RIN3: variants seen among roughly 807,000 people sequenced by gnomAD.
RIN3 encodes RAB5 interacting protein 3.
RIN3 carries 54 observed loss-of-function variants against 76.3 expected under a neutral mutation model. The observed-to-expected ratio is 0.71, with a 90% CI of 0.57 to 0.89. RIN3 has a LOEUF of 0.89. RIN3 is among the 40% of genes least tolerant of loss of function. The probability of loss-of-function intolerance (pLI) is 0.00; values close to 1 mark genes in which losing one functional copy is unlikely to be tolerated. For missense variants in RIN3, 1,256 were observed against 1,322.1 expected (o/e 0.95, Z 0.78); for synonymous variants, 576 against 564.0 (o/e 1.02, Z -0.30).
chr14:92,540,787 C>A (rs552595975), intron 1 of RIN3, among the ~76,000 whole-genome samples: 2 of 152,174 alleles, frequency 1.3e-5, no homozygotes, highest in Admixed American at 6.5e-5. Context: ...GGAAGAGAAG[C>A]CTTCAGGTGG....
rs1285927163 is a variant in RIN3, at chr14:92,688,267, G to T, written c.*15G>T. On this transcript the variant is annotated 3_prime_UTR_variant, in exon 10 of 10. Transcript: ENST00000216487. ...ACTTCCTGTGAGGCCCTCCCGGGGC[G>T]CCTCCCCTCACCCCCAGGCGCACGT... 38 of 1,548,770 alleles carry T rather than the reference G, an allele frequency of 2.5e-5. 1 individual carries two copies. Among genetic ancestry groups the T allele is most frequent in the Non-Finnish European group, 6.1e-6 (7 of 1,149,750 alleles).
intron 1 of RIN3, among the ~76,000 whole-genome samples, chr14:92,521,752 A>T (rs1896602357): frequency 6.6e-6 from 1 of 152,196 alleles, no homozygotes. Flanking sequence ...GTATTCCTTT[A>T]TAGTGAGGCA....
chr14:92,667,449 G>A (rs767127337), intron 7 of RIN3, among the ~76,000 whole-genome samples: 15 of 151,946 alleles, frequency 9.9e-5, no homozygotes, highest in East Asian at 1.9e-4. Flanking sequence ...CCCAGGAGGC[G>A]GAGGTTGCAG....
chr14:92,631,725 C>A (rs11621441), intron 4 of RIN3, among the ~76,000 whole-genome samples: 1 of 151,992 alleles, frequency 6.6e-6, no homozygotes, highest in East Asian at 1.9e-4. Context: ...CTCAGCCTCC[C>A]GAGTAGCTGA....
At position 92,525,429 on chromosome 14, in the gene RIN3, G is replaced by A. The variant is rs72631619; in HGVS notation, c.44+11453G>A. ...TCCACCAAGAACACTGGTGCTGAGCGAGAGATTGAGGGGAGGGAAGGAGGA... is the reference window on the plus strand; with the variant it reads ...TCCACCAAGAACACTGGTGCTGAGCAAGAGATTGAGGGGAGGGAAGGAGGA... On this transcript the variant is annotated intron_variant, in intron 1 of 9. Coordinates refer to ENST00000216487, the MANE Select transcript of RIN3 (RefSeq NM_024832.5). Among the ~76,000 whole-genome samples, 105 of 152,306 alleles carry A rather than the reference G, an allele frequency of 6.9e-4. 1 individual carries two copies. In the East Asian group the frequency reaches 0.019, roughly 27 times the overall value.
chr14:92,619,565 G>A (rs751416398), intron 4 of RIN3, among the ~76,000 whole-genome samples: 1 of 149,698 alleles, frequency 6.7e-6, no homozygotes, highest in Non-Finnish European at 1.5e-5. Flanking sequence ...TCAGCCTCCC[G>A]AGCAGCTGGG....
At chr14:92,524,935 C>T (rs1052945790) in intron 1 of RIN3, among the ~76,000 whole-genome samples, 1 of 152,238 alleles carries the variant, frequency 6.6e-6, no homozygotes, top group Non-Finnish European at 1.5e-5. Context: ...AGGGGCTGAG[C>T]TCTTTCCTGC....
intron 1 of RIN3, among the ~76,000 whole-genome samples, chr14:92,534,017 G>A (rs1376842211): frequency 2.0e-5 from 3 of 152,100 alleles, no homozygotes; most frequent in Non-Finnish European, 4.4e-5. Flanking sequence ...TAGACCAGAA[G>A]CTAGGAAAAC....
chr14:92,561,745 C>T (rs1012235923), intron 2 of RIN3, among the ~76,000 whole-genome samples: 4 of 152,240 alleles, frequency 2.6e-5, no homozygotes, highest in Admixed American at 6.5e-5. Context: ...AGTGCAGTGG[C>T]GCGATCATGG....
intron 3 of RIN3, among the ~76,000 whole-genome samples, chr14:92,596,613 G>C (rs1345008023): frequency 6.6e-6 from 1 of 152,172 alleles, no homozygotes; most frequent in East Asian, 1.9e-4. Flanking sequence ...TATCTTATCC[G>C]TTCCTCTTTT....
At chr14:92,596,696 A>G (rs1449061017) in intron 3 of RIN3, among the ~76,000 whole-genome samples, 1 of 152,222 alleles carries the variant, frequency 6.6e-6, no homozygotes, top group Non-Finnish European at 1.5e-5. Context: ...GAGTATATTA[A>G]CGTGCTTTAT....
At chr14:92,628,993 A>G (rs1291108599) in intron 4 of RIN3, among the ~76,000 whole-genome samples, 1 of 152,152 alleles carries the variant, frequency 6.6e-6, no homozygotes, top group African/African-American at 2.4e-5. Context: ...CCTTAAGTGA[A>G]CCAGGCAGTG....
intron 1 of RIN3, among the ~76,000 whole-genome samples, chr14:92,527,238 G>A (rs759799243): frequency 6.6e-6 from 1 of 151,046 alleles, no homozygotes; most frequent in Non-Finnish European, 1.5e-5. Flanking sequence ...ATTTTTAGTA[G>A]AGACGGGGTT....
intron 3 of RIN3, among the ~76,000 whole-genome samples, chr14:92,583,459 T>C (rs1054152767): frequency 2.0e-5 from 3 of 152,262 alleles, no homozygotes; most frequent in African/African-American, 7.2e-5. Flanking sequence ...TGCACACACA[T>C]GGGTGTGTAC....
chr14:92,526,198 G>C (rs1896725395), intron 1 of RIN3, among the ~76,000 whole-genome samples: 1 of 152,210 alleles, frequency 6.6e-6, no homozygotes, highest in Non-Finnish European at 1.5e-5. Flanking sequence ...GTTCACGCCT[G>C]TAATCCCAGC....
chr14:92,599,577 C>T (rs148418492), intron 3 of RIN3, among the ~76,000 whole-genome samples: 1 of 152,088 alleles, frequency 6.6e-6, no homozygotes, highest in Non-Finnish European at 1.5e-5. Context: ...AAGAGAGCAA[C>T]CCCCTGGTGC....
intron 3 of RIN3, among the ~76,000 whole-genome samples, chr14:92,611,309 CAG>C (rs1444215237): frequency 2.0e-5 from 3 of 151,892 alleles, no homozygotes; most frequent in African/African-American, 4.8e-5. Context: ...TTTTTGGAGA[CAG>C]AGTCTCGCTC....
At chr14:92,661,545 G>A (rs1399051953) in intron 7 of RIN3, among the ~76,000 whole-genome samples, 3 of 152,156 alleles carry the variant, frequency 2.0e-5, no homozygotes, top group African/African-American at 7.2e-5. Flanking sequence ...CCAACATGGT[G>A]AAACCCCATC....
chr14:92,683,226 C>G (rs1336865887), intron 8 of RIN3, among the ~76,000 whole-genome samples: 2 of 152,084 alleles, frequency 1.3e-5, no homozygotes, highest in African/African-American at 4.8e-5. Context: ...GCAGAAAGGC[C>G]TTTGCAGTGG....
Sources: gnomAD v4.1 joint callset for allele counts (sites outside exome capture counted in the v4.1 genomes callset) on GRCh38, gnomAD v4.1.1 for gene constraint, MANE v1.5 for transcripts, NCBI Gene and HGNC (gene_info 2026-07-23, HGNC 2026-07-21) for gene names.